The following MED12L variants were observed in gnomAD, a reference collection of about 807,000 sequenced individuals.
MED12L encodes the protein mediator complex subunit 12L, also known as mediator of RNA polymerase II transcription subunit 12-like protein.
A neutral mutation model predicts 281.3 loss-of-function variants in MED12L; 60 were observed. That is an observed-to-expected ratio of 0.21 (90% CI 0.17 to 0.26). The LOEUF is 0.26. MED12L is among the 10% of genes least tolerant of loss of function. The pLI is 1.00. For missense variants in MED12L, 2,146 were observed against 2,680.9 expected (o/e 0.80, Z 4.41); for synonymous variants, 974 against 987.2 (o/e 0.99, Z 0.25).
chr3:151,398,815 T>G (rs543470515), intron 39 of MED12L, among the ~76,000 whole-genome samples: 2 of 152,316 alleles, frequency 1.3e-5, no homozygotes, highest in East Asian at 3.9e-4. Flanking sequence ...TGGACCATGT[T>G]TTTTCCTATG....
chr3:151,290,585 A>G (rs1023135123), intron 16 of MED12L, among the ~76,000 whole-genome samples: 3 of 151,902 alleles, frequency 2.0e-5, no homozygotes, highest in African/African-American at 7.3e-5. Context: ...TTTAGAAAGA[A>G]CAGTCTATTT....
intron 16 of MED12L, among the ~76,000 whole-genome samples, chr3:151,238,243 T>A (rs537247127): frequency 3.2e-4 from 48 of 152,096 alleles, no homozygotes; most frequent in Admixed American, 9.2e-4. Flanking sequence ...GCCTCCCAGG[T>A]TCAAGCAATT....
intron 43 of MED12L, among the ~76,000 whole-genome samples, chr3:151,420,875 A>T (rs890468675): frequency 1.3e-5 from 2 of 152,224 alleles, no homozygotes; most frequent in Admixed American, 6.5e-5. Context: ...CGTTGTGTTC[A>T]GGATAGGCAA....
chr3:151,140,530 CA>C (rs1371614342), intron 5 of MED12L, among the ~76,000 whole-genome samples: 1 of 152,198 alleles, frequency 6.6e-6, no homozygotes, highest in African/African-American at 2.4e-5. Context: ...CCTGTGGAAA[CA>C]TATTTCAGCT....
intron 2 of MED12L, among the ~76,000 whole-genome samples, chr3:151,095,340 T>C (rs1273711126): frequency 4.6e-5 from 7 of 152,178 alleles, no homozygotes; most frequent in African/African-American, 1.7e-4. Flanking sequence ...AATTTCATTT[T>C]TTTTCTTTTA....
At position 151,275,159 on chromosome 3, in the gene MED12L, T is replaced by C. The variant is rs142381522; in HGVS notation, c.2251-74900T>C. Among the ~76,000 whole-genome samples, 1,326 of 152,204 alleles carry C rather than the reference T, an allele frequency of 8.7e-3. 10 individuals carry two copies. Among genetic ancestry groups the C allele is most frequent in the Non-Finnish European group, 0.013 (879 of 68,020 alleles). ...TAGAGTCTAGAGGCTATAAGTGATG[T>C]GATGAAAATAATTGCGTGTGTATGA... is the stretch of plus-strand genomic sequence containing the variant. On this transcript the variant is annotated intron_variant, in intron 16 of 44. Transcript: ENST00000687756.
At chr3:151,347,230 A>C (rs1442778646) in intron 16 of MED12L, among the ~76,000 whole-genome samples, 1 of 152,144 alleles carries the variant, frequency 6.6e-6, no homozygotes, top group Non-Finnish European at 1.5e-5. Context: ...GTTTCCTACA[A>C]AACTAATTTT....
intron 16 of MED12L, chr3:151,203,327 T>A (rs878953361): frequency 6.6e-6 from 1 of 152,188 alleles, no homozygotes; most frequent in South Asian, 2.1e-4. Context: ...GAAGTTTTTT[T>A]AATGTATACA....
intron 16 of MED12L, among the ~76,000 whole-genome samples, chr3:151,237,263 C>T (rs1200616747): frequency 6.7e-6 from 1 of 150,214 alleles, no homozygotes; most frequent in Non-Finnish European, 1.5e-5. Context: ...TGGTCTTGAA[C>T]ACCTGACCTT....
intron 38 of MED12L, among the ~76,000 whole-genome samples, chr3:151,392,212 C>T (rs1714329354): frequency 6.6e-6 from 1 of 151,668 alleles, no homozygotes. Flanking sequence ...ACCTGTAATC[C>T]CAGCACTTTG....
At position 151,298,775 on chromosome 3, in the gene MED12L, T is replaced by C. The variant is rs373058775; in HGVS notation, c.2251-51284T>C. On this transcript the variant is annotated intron_variant, in intron 16 of 44. Transcript: ENST00000687756. ...AATGCTTGGGCTTTGTAGCCAGATA[T>C]AGCACAAACCACATGTGGCTTTAAA... Among the ~76,000 whole-genome samples the C allele has an allele frequency of 3.3e-5, 5 of 152,302 alleles. No homozygotes were observed. In the East Asian group the frequency reaches 9.6e-4, roughly 29 times the overall value.
At chr3:151,369,366 T>C in intron 25 of MED12L, 70 bp from the exon 26 acceptor site, 1 of 1,059,366 alleles carries the variant, frequency 9.4e-7, no homozygotes, top group Non-Finnish European at 1.4e-6. Flanking sequence ...AAAGGCTGAC[T>C]GCCTGTAAAT....
chr3:151,319,876 C>T (rs1002394534), intron 16 of MED12L, among the ~76,000 whole-genome samples: 2 of 152,106 alleles, frequency 1.3e-5, no homozygotes, highest in Non-Finnish European at 2.9e-5. Flanking sequence ...CGTAATCTTA[C>T]TGATTTTTCA....
chr3:151,403,026 CTTTTTTT>C (rs35870229), intron 39 of MED12L, among the ~76,000 whole-genome samples: 1 of 145,434 alleles, frequency 6.9e-6, no homozygotes, highest in Admixed American at 6.9e-5. Flanking sequence ...TTTCTTTTTT[CTTTTTTT>C]TTTTAATAAA....
chr3:151,366,690 G>A (rs10513394), intron 23 of MED12L, among the ~76,000 whole-genome samples: 13,684 of 152,154 alleles, frequency 0.09, 950 homozygotes, highest in East Asian at 0.33. Context: ...CCTCTCAGTT[G>A]AAGGTTGACT....
chr3:151,402,150 T>C (rs1715766945), intron 39 of MED12L, among the ~76,000 whole-genome samples: 1 of 152,244 alleles, frequency 6.6e-6, no homozygotes, highest in Non-Finnish European at 1.5e-5. Context: ...TTTCCAATCC[T>C]CAGTATAGTA....
At chr3:151,331,988 T>G (rs1241252477) in intron 16 of MED12L, among the ~76,000 whole-genome samples, 2 of 152,200 alleles carry the variant, frequency 1.3e-5, no homozygotes, top group African/African-American at 4.8e-5. Context: ...TGGAATTGTT[T>G]GCCAAATTCT....
chr3:151,423,053 T>A, intron 43 of MED12L, among the ~76,000 whole-genome samples: 1 of 149,956 alleles, frequency 6.7e-6, no homozygotes. Context: ...GGAGTCTTGC[T>A]CTGTCACCCA....
At chr3:151,223,939 G>T (rs1729939740) in intron 16 of MED12L, among the ~76,000 whole-genome samples, 1 of 152,216 alleles carries the variant, frequency 6.6e-6, no homozygotes, top group Non-Finnish European at 1.5e-5. Flanking sequence ...TAACTTACAA[G>T]TGGGAGCTTA....
Sources: allele counts gnomAD v4.1 joint callset (sites outside exome capture counted in the v4.1 genomes callset), GRCh38; gene constraint gnomAD v4.1.1; transcripts MANE v1.5; gene names NCBI Gene and HGNC (gene_info 2026-07-23, HGNC 2026-07-21).